Variants in SPAG16 observed in about 807,000 individuals in gnomAD.
SPAG16 encodes the protein sperm-associated antigen 16 protein.
SPAG16 carries 86 observed loss-of-function variants against 80.4 expected under a neutral mutation model. That is an observed-to-expected ratio of 1.07 (90% CI 0.90 to 1.28). SPAG16 has a LOEUF of 1.28. Ranked by LOEUF, SPAG16 falls within the 50% of genes most tolerant of loss-of-function variation. The pLI is 0.00. For synonymous variants in SPAG16, 294 were observed against 265.9 expected, an observed-to-expected ratio of 1.11 and a Z score of -1.03; for missense variants, 870 against 765.3, an observed-to-expected ratio of 1.14 and a Z score of -1.61.
chr2:213,386,205 T>A (rs1313467803), intron 9 of SPAG16, among the ~76,000 whole-genome samples: 1 of 152,164 alleles, frequency 6.6e-6, no homozygotes, highest in Non-Finnish European at 1.5e-5. Flanking sequence ...TCCATATTAT[T>A]TAATAAGTTG....
chr2:214,104,740 C>T (rs1576216036), intron 13 of SPAG16, among the ~76,000 whole-genome samples: 1 of 152,042 alleles, frequency 6.6e-6, no homozygotes, highest in Admixed American at 6.6e-5. Context: ...TTATGTCTGA[C>T]GTGCTGCATC....
intron 10 of SPAG16, among the ~76,000 whole-genome samples, chr2:213,507,736 A>G (rs2075023630): frequency 6.6e-6 from 1 of 152,176 alleles, no homozygotes; most frequent in Non-Finnish European, 1.5e-5. Flanking sequence ...GATGGGGCTA[A>G]TTTGTTGACA....
At chr2:213,855,474 C>T (rs2075110156) in intron 10 of SPAG16, among the ~76,000 whole-genome samples, 1 of 152,190 alleles carries the variant, frequency 6.6e-6, no homozygotes, top group Admixed American at 6.5e-5. Context: ...CATAGGAGAA[C>T]AGGAATATCT....
At chr2:214,157,837 C>T (rs2056280537) in intron 15 of SPAG16, among the ~76,000 whole-genome samples, 1 of 152,086 alleles carries the variant, frequency 6.6e-6, no homozygotes, top group African/African-American at 2.4e-5. Flanking sequence ...AGATTGTATA[C>T]TTAATCTAAT....
intron 10 of SPAG16, among the ~76,000 whole-genome samples, chr2:213,752,989 C>T (rs1315373199): frequency 1.3e-5 from 2 of 152,138 alleles, no homozygotes; most frequent in Admixed American, 1.3e-4. Context: ...CAATTCTATG[C>T]TAACTCAAAA....
chr2:213,991,250 G>T (rs1191686794), intron 12 of SPAG16, among the ~76,000 whole-genome samples: 1 of 152,080 alleles, frequency 6.6e-6, no homozygotes, highest in Non-Finnish European at 1.5e-5. Context: ...AGAACATGTG[G>T]TGTTTGGTTT....
intron 12 of SPAG16, among the ~76,000 whole-genome samples, chr2:213,995,912 G>A (rs1008049108): frequency 2.0e-5 from 3 of 152,176 alleles, no homozygotes; most frequent in African/African-American, 7.2e-5. Flanking sequence ...CACAGAGCCT[G>A]ACAAGCATAC....
chr2:213,697,809 A>G (rs891147368), intron 10 of SPAG16, among the ~76,000 whole-genome samples: 4 of 152,198 alleles, frequency 2.6e-5, no homozygotes, highest in African/African-American at 9.7e-5. Flanking sequence ...AACATGCTTA[A>G]GAGTTTCCTT....
intron 10 of SPAG16, among the ~76,000 whole-genome samples, chr2:213,703,798 A>C (rs932951162): frequency 6.6e-6 from 1 of 152,172 alleles, no homozygotes; most frequent in African/African-American, 2.4e-5. Context: ...GTAAAAGGTG[A>C]TCTTTGCTCT....
chr2:214,105,126 G>C (rs1333143655), intron 13 of SPAG16, among the ~76,000 whole-genome samples: 1 of 152,108 alleles, frequency 6.6e-6, no homozygotes, highest in African/African-American at 2.4e-5. Context: ...TAAGAACATA[G>C]GCAATGTAGT....
At chr2:213,794,618 T>C (rs1243749671) in intron 10 of SPAG16, among the ~76,000 whole-genome samples, 1 of 152,164 alleles carries the variant, frequency 6.6e-6, no homozygotes, top group Non-Finnish European at 1.5e-5. Context: ...GACTGGTAGC[T>C]AAAGAACAAA....
At chr2:214,307,524 G>A (rs1695001705) in intron 15 of SPAG16, among the ~76,000 whole-genome samples, 1 of 149,538 alleles carries the variant, frequency 6.7e-6, no homozygotes, top group South Asian at 2.1e-4. Context: ...TTTGATGTGG[G>A]TATTTAGTGC....
chr2:214,212,586 T>C (rs1014876734), intron 15 of SPAG16, among the ~76,000 whole-genome samples: 1 of 152,030 alleles, frequency 6.6e-6, no homozygotes, highest in Non-Finnish European at 1.5e-5. Context: ...ATTTATATGC[T>C]AAGTTAGACC....
chr2:213,387,883 A>T (rs535847676), intron 9 of SPAG16, among the ~76,000 whole-genome samples: 1 of 152,266 alleles, frequency 6.6e-6, no homozygotes, highest in African/African-American at 2.4e-5. Flanking sequence ...GTTTTAAAAT[A>T]TTATAAAGAT....
At chr2:213,508,396 C>T (rs2125802363) in intron 10 of SPAG16, among the ~76,000 whole-genome samples, 1 of 152,204 alleles carries the variant, frequency 6.6e-6, no homozygotes, top group East Asian at 1.9e-4. Flanking sequence ...CAAGGTGAAA[C>T]CCCGTCTCTA....
At chr2:213,902,479 T>G (rs1203275854) in intron 11 of SPAG16, among the ~76,000 whole-genome samples, 1 of 152,136 alleles carries the variant, frequency 6.6e-6, no homozygotes, top group Non-Finnish European at 1.5e-5. Flanking sequence ...CAGAAACCCC[T>G]AATAAAACCA....
In SPAG16 at chr2:213,720,251, G is replaced by A. The variant is rs948713964; in HGVS notation, c.1071-142234G>A. Among the ~76,000 whole-genome samples the A allele has an allele frequency of 4.6e-5, 7 of 151,972 alleles. No individual in the cohort carries two copies. In the East Asian group the frequency reaches 1.4e-3, roughly 29 times the overall value. ...ACCTAATGTAGATGAGGGGTTGATG[G>A]GTGCAGCAAACCATCATGGCACGTG... is the stretch of plus-strand genomic sequence containing the variant. On this transcript the variant is annotated intron_variant, in intron 10 of 15. Transcript: ENST00000331683.
chr2:213,781,689 C>T (rs10200050), intron 10 of SPAG16, among the ~76,000 whole-genome samples: 91,197 of 151,986 alleles, frequency 0.6, 29,380 homozygotes, highest in South Asian at 0.86. Flanking sequence ...AAGGACTGTG[C>T]ACTGGGTAAA....
chr2:213,893,133 G>A (rs1156733101), intron 11 of SPAG16, among the ~76,000 whole-genome samples: 2 of 152,072 alleles, frequency 1.3e-5, no homozygotes, highest in Non-Finnish European at 2.9e-5. Context: ...AACCATACAA[G>A]CCAGGAAAGA....
Sources: gnomAD v4.1 joint callset for allele counts (sites outside exome capture counted in the v4.1 genomes callset) on GRCh38, gnomAD v4.1.1 for gene constraint, MANE v1.5 for transcripts, NCBI Gene and HGNC (gene_info 2026-07-23, HGNC 2026-07-21) for gene names.